NOD1: variants seen among roughly 807,000 people sequenced by gnomAD.
NOD1 encodes the protein nucleotide-binding oligomerization domain-containing protein 1.
Under a neutral mutation model 81.2 loss-of-function variants are expected in NOD1, and 70 were observed. That is an observed-to-expected ratio of 0.86 (90% CI 0.71 to 1.05). The LOEUF is 1.05. NOD1 is among the 50% of genes least tolerant of loss of function. The probability of loss-of-function intolerance (pLI) is 0.00; values close to 1 mark genes in which losing one functional copy is unlikely to be tolerated. For missense variants in NOD1, 1,233 were observed against 1,228.0 expected (o/e 1.00, Z -0.06); for synonymous variants, 508 against 526.9 (o/e 0.96, Z 0.49).
chr7:30,451,998 C>T lies in NOD1; in HGVS notation c.1419G>A (p.Lys473=), dbSNP rs1785778507. Residue 473 remains lysine, a synonymous_variant, in exon 6 of 14, where the codon AAG becomes AAA. Transcript: ENST00000222823. This position sits in a 1 kb window ranked among gnomAD's most constrained non-coding sequence, Gnocchi z 4.2. ...CCTCCTGGGTGAAGACAAAGAGGCT[C>T]TTCTCCATGCCCCGGTGGGCCACCT... ...LGQVAHRGME[K]SLFVFTQEEV... is the part of the protein sequence containing the mutation. 1.1e-5 allele frequency: 18 copies of T among 1,613,438 alleles called. No individual in the cohort carries two copies. Among genetic ancestry groups the T allele is most frequent in the Non-Finnish European group, 1.4e-5 (17 of 1,179,992 alleles).
chr7:30,450,123 G>C (rs1785533457), intron 6 of NOD1, among the ~76,000 whole-genome samples: 1 of 152,192 alleles, frequency 6.6e-6, no homozygotes, highest in Non-Finnish European at 1.5e-5. Context: ...GAACCCAGGA[G>C]GCGGAGGTTG....
intron 8 of NOD1, 133 bp from the exon 9 acceptor site, chr7:30,446,357 G>A: frequency 1.4e-6 from 1 of 724,670 alleles, no homozygotes; most frequent in South Asian, 1.6e-5. Context: ...ATCCACAAGA[G>A]CCATGGCCTG....
chr7:30,430,466 T>C lies in NOD1; in HGVS notation c.2706-1009A>G, dbSNP rs377642862. ...CCTGGCTGTTTGTAGAATAGGCTCCTGCTAAACATGACCCTTAGAAATCCT... is the reference window on the plus strand; with the variant it reads ...CCTGGCTGTTTGTAGAATAGGCTCCCGCTAAACATGACCCTTAGAAATCCT... On this transcript the variant is annotated intron_variant, in intron 12 of 13. Transcript: ENST00000222823. Among the ~76,000 whole-genome samples the C allele has an allele frequency of 5.1e-4, 78 of 152,270 alleles. 1 individual carries two copies. In the South Asian group the frequency reaches 0.012, roughly 23 times the overall value.
At chr7:30,437,233 G>A (rs1411123633) in intron 10 of NOD1, among the ~76,000 whole-genome samples, 1 of 152,056 alleles carries the variant, frequency 6.6e-6, no homozygotes, top group East Asian at 1.9e-4. Context: ...GGGGGTGGGG[G>A]GCAAGGGGAG....
At chr7:30,432,339 A>G (rs988287315) in intron 12 of NOD1, among the ~76,000 whole-genome samples, 1 of 152,246 alleles carries the variant, frequency 6.6e-6, no homozygotes, top group Non-Finnish European at 1.5e-5. Flanking sequence ...CAGTAGGCAC[A>G]TAAAAAGACA....
Position 30,451,923 on chromosome 7 carries a change from C to T in NOD1, c.1494G>A (p.Leu498=), listed in dbSNP as rs1352871835. The change falls in exon 6 of 14, where the codon CTG becomes CTA. Residue 498 remains leucine (L), a synonymous_variant. Coordinates refer to ENST00000222823, the MANE Select transcript of NOD1 (RefSeq NM_006092.4). The surrounding 1 kb of genome is among the most constrained non-coding windows in gnomAD (Gnocchi z 4.2). Reference sequence around the variant, plus strand: ...CGGGGCCCAGCTCCGGCAAAGCCCGCAGGAAGCCCAGCTGCATGTCTCTCT... The same window carrying T: ...CGGGGCCCAGCTCCGGCAAAGCCCGTAGGAAGCCCAGCTGCATGTCTCTCT... ...LQERDMQLGF[L]RALPELGPGG... 18 of 1,613,440 alleles carry T rather than the reference C, an allele frequency of 1.1e-5. No individual in the cohort carries two copies. The highest frequency in any genetic ancestry group is 1.4e-5 in the Non-Finnish European group (17 of 1,179,976).
Position 30,472,113 on chromosome 7 carries a change from T to C in NOD1, c.-352+6493A>G, listed in dbSNP as rs1429701375. On this transcript the variant is annotated intron_variant, in intron 1 of 13. Transcript: ENST00000222823. ...TAGAAGTGACTAATGATCTTTTTCT[T>C]GTATATTATGAATGACAGGAAAAAG... Among the ~76,000 whole-genome samples, 5 of 152,238 alleles carry C rather than the reference T, an allele frequency of 3.3e-5. No individual in the cohort carries two copies. The East Asian group carries it at 9.6e-4, about 29-fold the overall frequency.
Position 30,446,970 on chromosome 7 carries a change from A to G in NOD1, c.2366T>C (p.Leu789Pro). ...ACCTGGTGCCTACCCCACTTACTTA[A>G]GATGCGTGAGGCCTTTGCATTCATC... ...ILDECKGLTH[L>P]KLGKNKITSE... The change falls in exon 8 of 14, where the codon CTT (leucine) becomes CCT (proline). Residue 789 changes from leucine (L) to proline (P), a missense_variant. Coordinates refer to ENST00000222823, the MANE Select transcript of NOD1 (RefSeq NM_006092.4). The G allele has an allele frequency of 1.2e-6, 2 of 1,613,014 alleles. No individual in the cohort carries two copies. The highest frequency in any genetic ancestry group is 1.7e-5 in the Admixed American group (1 of 59,878).
chr7:30,450,030 A>T (rs1473930157), intron 6 of NOD1, among the ~76,000 whole-genome samples: 1 of 152,178 alleles, frequency 6.6e-6, no homozygotes, highest in Non-Finnish European at 1.5e-5. Context: ...CCGTCCTACT[A>T]AAAATACAAA....
chr7:30,434,939 G>GT (rs750419135), intron 11 of NOD1, among the ~76,000 whole-genome samples: 7,223 of 144,504 alleles, frequency 0.05, 236 homozygotes, highest in Middle Eastern at 0.12. Flanking sequence ...TGTAAGGAAT[G>GT]TTTTTTTTTT....
In NOD1 at chr7:30,453,148, A is replaced by T. The variant is rs1032298744; in HGVS notation, c.377-108T>A. 9 of 1,266,308 alleles carry T rather than the reference A, an allele frequency of 7.1e-6. No individual in the cohort carries two copies. The African/African-American group carries it at 1.3e-4, about 19-fold the overall frequency. The allele number at this position is 1,266,308 out of a possible 1,614,324, so 78.4% of individuals were successfully genotyped here. A position where few individuals can be genotyped will look rare whatever the true frequency, so the allele number is the denominator to read the frequency against. On this transcript the variant is annotated intron_variant, in intron 5 of 13. Transcript: ENST00000222823. ...AGAGGCGAGTGCATAAACAAAATTCACAACCTGGGCCCTGAGGCCAGCGCA... is the reference window on the plus strand; with the variant it reads ...AGAGGCGAGTGCATAAACAAAATTCTCAACCTGGGCCCTGAGGCCAGCGCA...
At chr7:30,428,806 G>A (rs1783691594) in intron 13 of NOD1, among the ~76,000 whole-genome samples, 1 of 152,192 alleles carries the variant, frequency 6.6e-6, no homozygotes. Flanking sequence ...TGAGTGGGGA[G>A]TGTCTGTGCC....
At chr7:30,435,949 C>A (rs760258423) in intron 11 of NOD1, 49 bp downstream of exon 11, 2 of 1,473,032 alleles carry the variant, frequency 1.4e-6, no homozygotes, top group Admixed American at 1.7e-5. Flanking sequence ...CAAAGCAAGA[C>A]CCTATCACAG....
chr7:30,427,431 C>T (rs1445254466), intron 13 of NOD1, among the ~76,000 whole-genome samples: 1 of 152,224 alleles, frequency 6.6e-6, no homozygotes, highest in Non-Finnish European at 1.5e-5. Flanking sequence ...GCTCCCTGAA[C>T]GTGGCTCCCC....
At chr7:30,429,853 T>A (rs1387234857) in intron 12 of NOD1, among the ~76,000 whole-genome samples, 1 of 152,130 alleles carries the variant, frequency 6.6e-6, no homozygotes, top group East Asian at 1.9e-4. Flanking sequence ...AACCTGTCTC[T>A]ATTAAAAATA....
Position 30,425,478 on chromosome 7 carries a change from A to ACCTT in NOD1, c.*156_*159dup, listed in dbSNP as rs540592923. 4.6e-4 allele frequency: 293 copies of ACCTT among 640,494 alleles called. 1 individual carries two copies. In the East Asian group the frequency reaches 5.9e-3, roughly 13 times the overall value. The allele number at this position is 640,494 out of a possible 1,614,324, so 39.7% of individuals were successfully genotyped here. A position where few individuals can be genotyped will look rare whatever the true frequency, so the allele number is the denominator to read the frequency against. On this transcript the variant is annotated 3_prime_UTR_variant, in exon 14 of 14. Transcript: ENST00000222823. The stretch of plus-strand genomic sequence containing the variant: ...GGTACTTAGGGAGTTTGCCGACCAG[A>ACCTT]CCTTCTGCACAGGAAGCTGGCTTGC...
At chr7:30,455,731 G>A (rs985871974) in intron 4 of NOD1, among the ~76,000 whole-genome samples, 19 of 152,100 alleles carry the variant, frequency 1.2e-4, no homozygotes, top group Admixed American at 1.0e-3. Context: ...CCTCCCAAGT[G>A]GCTGGGATTA....
At chr7:30,454,386 G>A (rs189625297) in intron 5 of NOD1, among the ~76,000 whole-genome samples, 1 of 152,324 alleles carries the variant, frequency 6.6e-6, no homozygotes, top group African/African-American at 2.4e-5. Context: ...TGAGATTGCT[G>A]ACTGGTGGTC....
intron 1 of NOD1, among the ~76,000 whole-genome samples, chr7:30,472,396 G>T (rs1788366039): frequency 2.6e-5 from 4 of 152,178 alleles, no homozygotes. Context: ...AGTTGAAAAG[G>T]CTCATTCCTT....
Sources: gnomAD v4.1 joint callset for allele counts (sites outside exome capture counted in the v4.1 genomes callset) on GRCh38, gnomAD v4.1.1 for gene constraint, Gnocchi (gnomAD v3.1) non-coding constraint, MANE v1.5 for transcripts, NCBI Gene and HGNC (gene_info 2026-07-23, HGNC 2026-07-21) for gene names.